Variants in TENM3 observed in about 807,000 individuals in gnomAD.
TENM3 encodes the protein teneurin-3.
In TENM3, 63 loss-of-function variants were observed where a neutral mutation model predicts 255.1. That is an observed-to-expected ratio of 0.25 (90% confidence interval 0.20 to 0.30). The LOEUF (loss-of-function observed/expected upper bound fraction) is 0.30. Among genes scored for constraint, TENM3 ranks in the 10% least tolerant of loss-of-function variants. The pLI, the probability that TENM3 is intolerant of heterozygous loss-of-function variation, is 1.00. For synonymous variants in TENM3, 1,306 were observed against 1,322.3 expected (o/e 0.99, Z 0.27); for missense variants, 2,929 against 3,461.1 (o/e 0.85, Z 3.86).
chr4:181,896,602 C>T, the TENM3 span, among the ~76,000 whole-genome samples: 1 of 152,198 alleles, frequency 6.6e-6, no homozygotes, highest in African/African-American at 2.4e-5. Context: ...ATGGTACACT[C>T]TAAATGCACA....
the TENM3 span, among the ~76,000 whole-genome samples, chr4:182,087,227 T>C: frequency 6.6e-6 from 1 of 152,204 alleles, no homozygotes; most frequent in South Asian, 2.1e-4. Context: ...AAACACTTAC[T>C]AATTAAAAGA....
At chr4:182,001,575 C>T in the TENM3 span, among the ~76,000 whole-genome samples, 5 of 151,992 alleles carry the variant, frequency 3.3e-5, no homozygotes, top group South Asian at 2.1e-4. Flanking sequence ...CAATATGGTA[C>T]CACTTAGTAA....
the TENM3 span, among the ~76,000 whole-genome samples, chr4:181,513,396 A>G: frequency 0.21 from 31,901 of 152,192 alleles, 4,196 homozygotes; most frequent in Non-Finnish European, 0.3. Context: ...AAGCAGAACA[A>G]CTAGAACTCA....
chr4:182,777,511 A>ATGTGTGTGTGTG (rs150202066), intron 24 of TENM3, among the ~76,000 whole-genome samples: 11,486 of 99,608 alleles, frequency 0.12, 636 homozygotes, highest in South Asian at 0.19. Flanking sequence ...TAATGTGTTT[A>ATGTGTGTGTGTG]TGTGTGTGTG....
At chr4:182,072,548 T>C in the TENM3 span, among the ~76,000 whole-genome samples, 1 of 152,242 alleles carries the variant, frequency 6.6e-6, no homozygotes, top group African/African-American at 2.4e-5. Context: ...GATAATAAAG[T>C]ATTTGAAACA....
intron 3 of TENM3, among the ~76,000 whole-genome samples, chr4:182,557,656 C>G (rs1742706117): frequency 6.6e-6 from 1 of 152,084 alleles, no homozygotes; most frequent in Non-Finnish European, 1.5e-5. Flanking sequence ...CCACAGGGTA[C>G]AACATTTTGG....
chr4:181,720,946 G>A, the TENM3 span, among the ~76,000 whole-genome samples: 5 of 152,056 alleles, frequency 3.3e-5, no homozygotes, highest in African/African-American at 1.2e-4. Context: ...GAAGTGAGGT[G>A]GCCAGGCTCT....
intron 11 of TENM3, among the ~76,000 whole-genome samples, chr4:182,684,296 G>C (rs1345794324): frequency 6.6e-6 from 1 of 151,610 alleles, no homozygotes; most frequent in Non-Finnish European, 1.5e-5. Context: ...TTAAACATAA[G>C]TCTTGGCTTC....
chr4:182,030,794 C>G, the TENM3 span, among the ~76,000 whole-genome samples: 178 of 152,268 alleles, frequency 1.2e-3, 2 homozygotes, highest in African/African-American at 4.0e-3. Context: ...ATGCATTACT[C>G]TAATGATCAG....
At chr4:181,913,517 AG>A in the TENM3 span, among the ~76,000 whole-genome samples, 3 of 152,296 alleles carry the variant, frequency 2.0e-5, no homozygotes, top group African/African-American at 7.2e-5. Context: ...GGCTAGGGTT[AG>A]ACCGCACAGT....
intron 3 of TENM3, 80 bp downstream of exon 3, chr4:182,347,009 T>G: frequency 9.6e-7 from 1 of 1,039,572 alleles, no homozygotes. Flanking sequence ...GGGGGATGTT[T>G]TTCTTTCTCT....
chr4:181,657,424 GCATCACTAAC>G, the TENM3 span, among the ~76,000 whole-genome samples: 1 of 152,088 alleles, frequency 6.6e-6, no homozygotes, highest in Non-Finnish European at 1.5e-5. Flanking sequence ...AAAATGCTCA[GCATCACTAAC>G]CATCAGAGAA....
chr4:182,530,763 G>T (rs969753212), intron 3 of TENM3, among the ~76,000 whole-genome samples: 6 of 152,182 alleles, frequency 3.9e-5, no homozygotes, highest in African/African-American at 1.2e-4. Flanking sequence ...AGTAGGACTT[G>T]TTTATGGATT....
chr4:182,625,736 G>C (rs1357660117), intron 4 of TENM3, among the ~76,000 whole-genome samples: 1 of 152,150 alleles, frequency 6.6e-6, no homozygotes, highest in Non-Finnish European at 1.5e-5. Context: ...ACATGGATCT[G>C]TCCAAGCTTC....
At chr4:181,547,248 TAGAG>T in the TENM3 span, among the ~76,000 whole-genome samples, 1 of 152,108 alleles carries the variant, frequency 6.6e-6, no homozygotes, top group African/African-American at 2.4e-5. Flanking sequence ...ACATTTTATA[TAGAG>T]AGAAAGAAAT....
chr4:181,994,563 T>TG, the TENM3 span, among the ~76,000 whole-genome samples: 915 of 150,050 alleles, frequency 6.1e-3, 13 homozygotes, highest in African/African-American at 0.021. Flanking sequence ...GGTTTTTTTT[T>TG]TTTTTTGTGA....
At chr4:181,609,470 G>A in the TENM3 span, among the ~76,000 whole-genome samples, 1 of 152,068 alleles carries the variant, frequency 6.6e-6, no homozygotes. Context: ...CTTACCATTA[G>A]GAGAACAGTT....
At chr4:181,628,714 C>T in the TENM3 span, among the ~76,000 whole-genome samples, 2 of 152,114 alleles carry the variant, frequency 1.3e-5, no homozygotes, top group Non-Finnish European at 2.9e-5. Context: ...GGTACCAGTA[C>T]CATGCTGTTT....
At chr4:182,216,540 A>G (rs1309014418) in intron 1 of TENM3, among the ~76,000 whole-genome samples, 1 of 152,208 alleles carries the variant, frequency 6.6e-6, no homozygotes, top group African/African-American at 2.4e-5. Flanking sequence ...TCGTTACTCC[A>G]TCTTCATCAC....
Sources: allele counts gnomAD v4.1 joint callset (sites outside exome capture counted in the v4.1 genomes callset), GRCh38; gene constraint gnomAD v4.1.1; transcripts MANE v1.5; gene names NCBI Gene and HGNC (gene_info 2026-07-23, HGNC 2026-07-21).